The following CLDN10 variants were observed in gnomAD, a reference collection of about 807,000 sequenced individuals.
CLDN10 encodes the protein claudin-10.
A neutral mutation model predicts 22.9 loss-of-function variants in CLDN10; 15 were observed. The observed-to-expected ratio is 0.65, with a 90% confidence interval of 0.44 to 1.01. The LOEUF (loss-of-function observed/expected upper bound fraction) is 1.01, where lower values mean the gene tolerates loss of function less well. Ranked by LOEUF, CLDN10 falls within the 50% of genes least tolerant of loss-of-function variation. The pLI, the probability that CLDN10 is intolerant of heterozygous loss-of-function variation, is 0.00. For synonymous variants in CLDN10, 114 were observed against 111.4 expected (o/e 1.02, Z -0.15); for missense variants, 247 against 287.8 (o/e 0.86, Z 1.03).
chr13:95,533,910 T>A (rs1416869592), intron 1 of CLDN10: 1 of 152,282 alleles, frequency 6.6e-6, no homozygotes, highest in Non-Finnish European at 1.5e-5. Context: ...CAGGCTCTCC[T>A]CCCCGGCACC....
chr13:95,476,621 A>G (rs17189719), intron 1 of CLDN10, among the ~76,000 whole-genome samples: 16,359 of 152,140 alleles, frequency 0.11, 1,057 homozygotes, highest in South Asian at 0.25. Context: ...AAAGACTCAG[A>G]AACAGATGGG....
At chr13:95,445,706 A>G (rs757731246) in intron 1 of CLDN10, among the ~76,000 whole-genome samples, 33 of 152,216 alleles carry the variant, frequency 2.2e-4, no homozygotes, top group Non-Finnish European at 4.0e-4. Context: ...TTTGGCCTTG[A>G]AACACCAATT....
At chr13:95,550,720 G>A (rs886997903), upstream of CLDN10, among the ~76,000 whole-genome samples, 2 of 151,044 alleles carry the variant, frequency 1.3e-5, no homozygotes, top group African/African-American at 4.9e-5. Flanking sequence ...ACTTTAAAAA[G>A]GCAAGCCATA....
intron 3 of CLDN10, among the ~76,000 whole-genome samples, chr13:95,570,430 C>T (rs761359004): frequency 2.0e-5 from 3 of 152,192 alleles, no homozygotes; most frequent in Non-Finnish European, 2.9e-5. Flanking sequence ...TTACAGTTTA[C>T]TTTGGCTAAC....
chr13:95,467,050 TG>T (rs1453705216), intron 1 of CLDN10, among the ~76,000 whole-genome samples: 2 of 148,078 alleles, frequency 1.4e-5, no homozygotes, highest in African/African-American at 4.9e-5. Flanking sequence ...TTTTTTTTTT[TG>T]TATTTTTAGC....
intron 1 of CLDN10, among the ~76,000 whole-genome samples, chr13:95,516,224 A>G (rs1164134878): frequency 6.6e-6 from 1 of 152,246 alleles, no homozygotes; most frequent in Non-Finnish European, 1.5e-5. Context: ...AATATTTCTC[A>G]TCTGTATCGG....
At chr13:95,520,246 T>C (rs186491013) in intron 1 of CLDN10, among the ~76,000 whole-genome samples, 36 of 152,360 alleles carry the variant, frequency 2.4e-4, no homozygotes, top group Non-Finnish European at 1.5e-5. Context: ...CATATTAAAA[T>C]AGGTTTCTTT....
intron 1 of CLDN10, among the ~76,000 whole-genome samples, chr13:95,533,360 T>C (rs1341741795): frequency 6.6e-6 from 1 of 152,152 alleles, no homozygotes; most frequent in Non-Finnish European, 1.5e-5. Flanking sequence ...AACATTGCTA[T>C]ATATTTTATA....
intron 1 of CLDN10, among the ~76,000 whole-genome samples, chr13:95,467,037 C>CG (rs146765859): frequency 0.16 from 19,155 of 118,950 alleles, 1,873 homozygotes; most frequent in African/African-American, 0.31. Context: ...CCACCATGCC[C>CG]GTTTTTTTTT....
intron 1 of CLDN10, among the ~76,000 whole-genome samples, chr13:95,457,100 A>C (rs985277082): frequency 5.1e-4 from 77 of 152,288 alleles, no homozygotes; most frequent in African/African-American, 1.8e-3. Flanking sequence ...GTGATCCAGA[A>C]GCATTTTATT....
chr13:95,437,237 T>C (rs911224330), intron 1 of CLDN10, among the ~76,000 whole-genome samples: 3 of 152,184 alleles, frequency 2.0e-5, no homozygotes, highest in Non-Finnish European at 4.4e-5. Context: ...TTTATAGCTA[T>C]AGTAAAAAAT....
rs546423276 is a variant in CLDN10, at chr13:95,567,287, T to G, written c.464+6824T>G. 3.9e-5 allele frequency among the ~76,000 whole-genome samples: 6 copies of G among 152,280 alleles called. No homozygotes were observed. The South Asian group carries it at 1.2e-3, about 32-fold the overall frequency. ...GTTCTTCCATTTGTTCATGTCCTCT[T>G]TTATTTTGTTGAGCAGTGGTTTGTA... On this transcript the variant is annotated intron_variant, in intron 3 of 4. Transcript: ENST00000299339.
At chr13:95,487,678 A>G (rs2042818911) in intron 1 of CLDN10, among the ~76,000 whole-genome samples, 1 of 152,054 alleles carries the variant, frequency 6.6e-6, no homozygotes, top group African/African-American at 2.4e-5. Context: ...AAGTTTTTCT[A>G]ATTTTTTAAT....
chr13:95,501,592 C>A (rs2042985826), intron 1 of CLDN10, among the ~76,000 whole-genome samples: 1 of 152,218 alleles, frequency 6.6e-6, no homozygotes, highest in African/African-American at 2.4e-5. Context: ...ACAGCTACCC[C>A]AGCCTTCTTG....
chr13:95,537,262 G>C (rs1481494762), intron 1 of CLDN10, among the ~76,000 whole-genome samples: 1 of 152,134 alleles, frequency 6.6e-6, no homozygotes, highest in Non-Finnish European at 1.5e-5. Flanking sequence ...TGTGGGGTTG[G>C]TTAATAGCTA....
chr13:95,479,083 G>A (rs1399748123), intron 1 of CLDN10, among the ~76,000 whole-genome samples: 2 of 152,230 alleles, frequency 1.3e-5, no homozygotes, highest in South Asian at 2.1e-4. Flanking sequence ...GGGTGCAGTG[G>A]CTCATGCCTG....
intron 3 of CLDN10, among the ~76,000 whole-genome samples, chr13:95,565,727 C>A (rs531416996): frequency 1.6e-4 from 24 of 152,112 alleles, no homozygotes; most frequent in Non-Finnish European, 3.1e-4. Flanking sequence ...CTGTACCCAT[C>A]AACTCATCAT....
intron 1 of CLDN10, among the ~76,000 whole-genome samples, chr13:95,525,008 T>A (rs77003281): frequency 2.0e-5 from 3 of 151,594 alleles, no homozygotes; most frequent in Non-Finnish European, 4.4e-5. Flanking sequence ...TACAGGCATG[T>A]GCCACAACGC....
intron 1 of CLDN10, among the ~76,000 whole-genome samples, chr13:95,512,092 A>G (rs1251712871): frequency 1.5e-5 from 2 of 133,040 alleles, no homozygotes; most frequent in African/African-American, 5.2e-5. Context: ...ATAACTAGGA[A>G]AAGTCATCTC....
Sources: gnomAD v4.1 joint callset for allele counts (sites outside exome capture counted in the v4.1 genomes callset) on GRCh38, gnomAD v4.1.1 for gene constraint, MANE v1.5 for transcripts, NCBI Gene and HGNC (gene_info 2026-07-23, HGNC 2026-07-21) for gene names.